The following CNTN4 variants were observed in gnomAD, a reference collection of about 807,000 sequenced individuals.
CNTN4 encodes the protein contactin-4.
In CNTN4, 77 loss-of-function variants were observed where a neutral mutation model predicts 122.5. The ratio of observed to expected loss-of-function variants is 0.63; its 90% CI spans 0.52 to 0.76. The LOEUF (loss-of-function observed/expected upper bound fraction) is 0.76, where lower values mean the gene tolerates loss of function less well. Among genes scored for constraint, CNTN4 ranks in the 30% least tolerant of loss-of-function variants. The probability of loss-of-function intolerance (pLI) is 0.00; values close to 1 mark genes in which losing one functional copy is unlikely to be tolerated. For synonymous variants in CNTN4, 512 were observed against 447.0 expected (o/e 1.15, Z -1.83); for missense variants, 1,256 against 1,259.1 (o/e 1.00, Z 0.04).
At chr3:2,611,321 G>C (rs140614361) in intron 4 of CNTN4, among the ~76,000 whole-genome samples, 30 of 97,160 alleles carry the variant, frequency 3.1e-4, no homozygotes, top group Non-Finnish European at 5.2e-4. Flanking sequence ...AAGAAAGAAA[G>C]AAAGAAACAA....
chr3:2,386,818 A>G lies in CNTN4; in HGVS notation c.-89+47585A>G, dbSNP rs535419904. On this transcript the variant is annotated intron_variant, in intron 3 of 24. Transcript: ENST00000418658. ...ATATACATAGGGTAGTTAGTGATAA[A>G]TTGAGAAATGCAAAAATTTAATTGA... 2.6e-5 allele frequency among the ~76,000 whole-genome samples: 4 copies of G among 152,234 alleles called. No homozygotes were observed. In the East Asian group the frequency reaches 5.8e-4, roughly 22 times the overall value.
intron 2 of CNTN4, among the ~76,000 whole-genome samples, chr3:2,255,227 C>T (rs1177309643): frequency 8.6e-5 from 13 of 151,770 alleles, no homozygotes; most frequent in African/African-American, 2.9e-4. Flanking sequence ...AGGGCTCTGT[C>T]CTGTTCCATT....
intron 14 of CNTN4, among the ~76,000 whole-genome samples, chr3:3,005,186 G>A (rs1000201460): frequency 6.6e-6 from 1 of 152,148 alleles, no homozygotes; most frequent in African/African-American, 2.4e-5. Context: ...TTCACACCGA[G>A]GCTAATCTCC....
At chr3:2,199,525 A>G (rs2149381380) in intron 2 of CNTN4, among the ~76,000 whole-genome samples, 1 of 152,284 alleles carries the variant, frequency 6.6e-6, no homozygotes, top group East Asian at 1.9e-4. Flanking sequence ...TTCTGACTCC[A>G]TGAGTACAGG....
chr3:2,306,262 G>A (rs530115859), intron 2 of CNTN4, among the ~76,000 whole-genome samples: 8 of 152,198 alleles, frequency 5.3e-5, no homozygotes, highest in African/African-American at 1.9e-4. Flanking sequence ...CAATGCATGA[G>A]GGTTTTTATT....
At chr3:2,863,448 T>C (rs1374053118) in intron 7 of CNTN4, among the ~76,000 whole-genome samples, 9 of 148,908 alleles carry the variant, frequency 6.0e-5, no homozygotes, top group Non-Finnish European at 1.3e-4. Context: ...TTTCTTCTTT[T>C]TTTTTTTTTT....
chr3:2,705,752 T>C (rs1309527025), intron 4 of CNTN4, among the ~76,000 whole-genome samples: 3 of 102,582 alleles, frequency 2.9e-5, no homozygotes, highest in African/African-American at 4.1e-5. Context: ...ATATGATATA[T>C]AATATATAAT....
chr3:2,578,540 C>T (rs1442303582), intron 4 of CNTN4, among the ~76,000 whole-genome samples: 1 of 152,162 alleles, frequency 6.6e-6, no homozygotes, highest in Non-Finnish European at 1.5e-5. Context: ...ACACAGGCAA[C>T]AGTCAAATAA....
intron 4 of CNTN4, among the ~76,000 whole-genome samples, chr3:2,575,433 C>A (rs909987368): frequency 9.9e-5 from 15 of 152,076 alleles, no homozygotes; most frequent in African/African-American, 3.6e-4. Flanking sequence ...ATCACTTGAA[C>A]CCGGAAGGCA....
rs960766569 is a variant in CNTN4, at chr3:2,724,817, T to C, written c.56-11398T>C. Reference sequence around the variant, plus strand: ...TTAAAACAGATAGTCTCCAGGAAACTGTGAAATTATGACTGAACGTAGAAA... The same window carrying C: ...TTAAAACAGATAGTCTCCAGGAAACCGTGAAATTATGACTGAACGTAGAAA... On this transcript the variant is annotated intron_variant, in intron 4 of 24. Transcript: ENST00000418658. Among the ~76,000 whole-genome samples, 96 of 152,250 alleles carry C rather than the reference T, an allele frequency of 6.3e-4. 1 individual carries two copies. The highest frequency in any genetic ancestry group is 2.2e-3 in the African/African-American group (91 of 41,556).
At chr3:2,170,145 C>T (rs1387833730) in intron 2 of CNTN4, among the ~76,000 whole-genome samples, 1 of 151,274 alleles carries the variant, frequency 6.6e-6, no homozygotes, top group African/African-American at 2.4e-5. Context: ...CACGGTGAAA[C>T]CCCGTCTCTA....
chr3:2,435,164 A>T (rs9878431), intron 3 of CNTN4, among the ~76,000 whole-genome samples: 1 of 151,928 alleles, frequency 6.6e-6, no homozygotes, highest in East Asian at 1.9e-4. Flanking sequence ...TAATTCTACC[A>T]ATTAATTACC....
At chr3:2,906,120 A>G (rs981903261) in intron 12 of CNTN4, among the ~76,000 whole-genome samples, 10 of 152,294 alleles carry the variant, frequency 6.6e-5, no homozygotes, top group South Asian at 2.1e-4. Flanking sequence ...ACTCATAAGT[A>G]GAATCTGAAA....
chr3:2,716,822 TTG>T (rs1304401684), intron 4 of CNTN4, among the ~76,000 whole-genome samples: 1 of 152,182 alleles, frequency 6.6e-6, no homozygotes, highest in African/African-American at 2.4e-5. Flanking sequence ...CTAGTCTGCT[TTG>T]TGTGTCTATG....
chr3:2,217,340 G>A (rs975522404), intron 2 of CNTN4, among the ~76,000 whole-genome samples: 1 of 152,128 alleles, frequency 6.6e-6, no homozygotes, highest in African/African-American at 2.4e-5. Flanking sequence ...GACCTCGAGG[G>A]CTGGTCTAGT....
intron 3 of CNTN4, among the ~76,000 whole-genome samples, chr3:2,539,336 G>C (rs565649645): frequency 6.6e-6 from 1 of 152,118 alleles, no homozygotes; most frequent in East Asian, 1.9e-4. Context: ...TTTCGCTGTT[G>C]ATATGAACCT....
intron 4 of CNTN4, among the ~76,000 whole-genome samples, chr3:2,656,255 T>A (rs778692614): frequency 3.3e-5 from 5 of 152,214 alleles, no homozygotes; most frequent in Admixed American, 1.3e-4. Context: ...GAGAAAAATT[T>A]ACTCAAAGTC....
At chr3:2,586,096 G>A (rs2080191423) in intron 4 of CNTN4, among the ~76,000 whole-genome samples, 1 of 152,090 alleles carries the variant, frequency 6.6e-6, no homozygotes, top group South Asian at 2.1e-4. Context: ...TGGTACCTCT[G>A]TACCTCTGTA....
At chr3:2,994,377 A>C (rs1695332546) in intron 14 of CNTN4, among the ~76,000 whole-genome samples, 1 of 152,090 alleles carries the variant, frequency 6.6e-6, no homozygotes, top group Admixed American at 6.5e-5. Context: ...TTTATACTTT[A>C]AGTAGCTTTA....
Sources: gnomAD v4.1 joint callset for allele counts (sites outside exome capture counted in the v4.1 genomes callset) on GRCh38, gnomAD v4.1.1 for gene constraint, MANE v1.5 for transcripts, NCBI Gene and HGNC (gene_info 2026-07-23, HGNC 2026-07-21) for gene names.